POU2F1: variants seen among roughly 807,000 people sequenced by gnomAD.
POU2F1 encodes POU domain, class 2, transcription factor 1.
POU2F1 carries 16 observed loss-of-function variants against 84.9 expected under a neutral mutation model. That is an observed-to-expected ratio of 0.19 (90% CI 0.13 to 0.29). POU2F1 has a LOEUF of 0.29. POU2F1 is among the 10% of genes least tolerant of loss of function. The pLI, the probability that POU2F1 is intolerant of heterozygous loss-of-function variation, is 1.00. For synonymous variants in POU2F1, 368 were observed against 368.3 expected (o/e 1.00, Z 0.01); for missense variants, 738 against 942.6 (o/e 0.78, Z 2.84).
intron 1 of POU2F1, among the ~76,000 whole-genome samples, chr1:167,332,137 A>G (rs575804895): frequency 1.3e-5 from 2 of 151,928 alleles, no homozygotes; most frequent in Non-Finnish European, 2.9e-5. Context: ...TTCCAGTTTT[A>G]CTTCATGTTA....
intron 1 of POU2F1, among the ~76,000 whole-genome samples, chr1:167,258,773 GA>G (rs1651336567): frequency 1.3e-5 from 2 of 152,164 alleles, no homozygotes; most frequent in Non-Finnish European, 2.9e-5. Flanking sequence ...TAAACGAATA[GA>G]ATAGTAATTG....
rs1648664274 is a variant in POU2F1, at chr1:167,226,815, T to C, written c.61+5857T>C. ...CTTTTGTTTTTGGGTTTTATTTATT[T>C]ATTTATTTATTTCCAATTAAGCAAG... On this transcript the variant is annotated intron_variant, in intron 1 of 15. Coordinates refer to ENST00000367866, the MANE Select transcript of POU2F1 (RefSeq NM_002697.4). Among the ~76,000 whole-genome samples the C allele has an allele frequency of 3.3e-5, 5 of 152,346 alleles. No individual in the cohort carries two copies. In the South Asian group the frequency reaches 1.0e-3, roughly 32 times the overall value.
rs752831626 is a variant in POU2F1, at chr1:167,409,430, T to TAA, written c.1556-2528_1556-2527dup. On this transcript the variant is annotated intron_variant, in intron 13 of 15. Transcript: ENST00000367866. ...TGAGGACATTGAGGCTCAGCAACAA[T>TAA]AAGTTCACTAGTCAAAGTTACCCAA... Among the ~76,000 whole-genome samples the TAA allele has an allele frequency of 1.1e-3, 170 of 152,310 alleles. 2 individuals are homozygous for TAA. Among genetic ancestry groups the TAA allele is most frequent in the Non-Finnish European group, 5.9e-4 (40 of 68,022 alleles).
rs1364814911 is a variant in POU2F1, at chr1:167,412,255, G to A, written c.1852G>A (p.Ala618Thr). The A allele has an allele frequency of 1.3e-6, 2 of 1,587,876 alleles. No individual in the cohort carries two copies. The highest frequency in any genetic ancestry group is 1.1e-5 in the South Asian group (1 of 87,872). The change falls in exon 14 of 16, where the codon GCT (alanine) becomes ACT (threonine). Residue 618 changes from alanine (A) to threonine (T), a missense_variant. Ala to Thr is a moderately conservative substitution (Grantham distance 58). Transcript: ENST00000367866. Reference sequence around the variant, plus strand: ...TGCCAGTCTTGCTGCCATGGCAGCTGCTGCAGGACTAAACCCAAGCCTGAT... The same window carrying A: ...TGCCAGTCTTGCTGCCATGGCAGCTACTGCAGGACTAAACCCAAGCCTGAT... ...ANASLAAMAA[A>T]AGLNPSLMAP...
chr1:167,232,805 T>C (rs143304060), intron 1 of POU2F1, among the ~76,000 whole-genome samples: 3,967 of 150,134 alleles, frequency 0.026, 167 homozygotes, highest in African/African-American at 0.09. Flanking sequence ...ATTGCGCCAC[T>C]GCACTCCAGC....
In POU2F1 at chr1:167,258,105, C is replaced by T. The variant is rs573109008; in HGVS notation, c.61+37147C>T. Among the ~76,000 whole-genome samples the T allele has an allele frequency of 1.4e-3, 206 of 152,256 alleles. 1 individual carries two copies. The Middle Eastern group carries it at 0.031, about 23-fold the overall frequency. On this transcript the variant is annotated intron_variant, in intron 1 of 15. Coordinates refer to ENST00000367866, the MANE Select transcript of POU2F1 (RefSeq NM_002697.4). ...TAAGCTGTGATTGTCATGTGTGTCA[C>T]CGCTGAGATGTAAACATAGGCAAGC...
At chr1:167,319,854 A>T (rs1028764826) in intron 1 of POU2F1, among the ~76,000 whole-genome samples, 14 of 152,184 alleles carry the variant, frequency 9.2e-5, no homozygotes, top group Non-Finnish European at 1.5e-5. Flanking sequence ...CCTGTAAAAG[A>T]TGAGGAATGC....
At chr1:167,387,127 C>T (rs890948500) in intron 8 of POU2F1, 2 of 455,680 alleles carry the variant, frequency 4.4e-6, no homozygotes, top group Non-Finnish European at 8.8e-6. Context: ...GTGGCAGGGC[C>T]GTTGTGGCTT....
rs182915065 is a variant in POU2F1, at chr1:167,222,310, C to G, written c.61+1352C>G. Among the ~76,000 whole-genome samples, 203 of 152,292 alleles carry G rather than the reference C, an allele frequency of 1.3e-3. 2 individuals carry two copies. In the East Asian group the frequency reaches 0.028, roughly 21 times the overall value. On this transcript the variant is annotated intron_variant, in intron 1 of 15. Coordinates refer to ENST00000367866, the MANE Select transcript of POU2F1 (RefSeq NM_002697.4). ...GTCTTTACTCTCTGCTTAGCTGAAC[C>G]TCTTCTCATTTGAATAATGTCTAAT...
intron 2 of POU2F1, among the ~76,000 whole-genome samples, chr1:167,353,048 A>G (rs572214392): frequency 3.3e-5 from 5 of 152,312 alleles, no homozygotes; most frequent in South Asian, 2.1e-4. Flanking sequence ...ACTGCTGGCT[A>G]TGAAGAGAAA....
chr1:167,223,253 T>G (rs1212628743), intron 1 of POU2F1, among the ~76,000 whole-genome samples: 2 of 152,180 alleles, frequency 1.3e-5, no homozygotes, highest in African/African-American at 4.8e-5. Flanking sequence ...GAACTTATTC[T>G]CCTCCCAGCA....
intron 10 of POU2F1, among the ~76,000 whole-genome samples, chr1:167,397,255 G>C (rs1648873337): frequency 6.6e-6 from 1 of 152,076 alleles, no homozygotes; most frequent in African/African-American, 2.4e-5. Flanking sequence ...TATTTCATTT[G>C]TTTCTTTTCT....
intron 2 of POU2F1, among the ~76,000 whole-genome samples, chr1:167,334,503 G>A (rs1269694324): frequency 3.3e-5 from 5 of 152,152 alleles, no homozygotes; most frequent in African/African-American, 4.8e-5. Flanking sequence ...TTTAGGATTC[G>A]CAGCCCACAT....
At chr1:167,257,648 G>C (rs34161426) in intron 1 of POU2F1, among the ~76,000 whole-genome samples, 2,296 of 152,222 alleles carry the variant, frequency 0.015, 25 homozygotes, top group South Asian at 0.039. Flanking sequence ...AATATTAAGG[G>C]ATCTATTTAG....
At chr1:167,242,073 T>G (rs1649947512) in intron 1 of POU2F1, among the ~76,000 whole-genome samples, 2 of 152,212 alleles carry the variant, frequency 1.3e-5, no homozygotes, top group African/African-American at 4.8e-5. Context: ...TTTATCAGGA[T>G]TTTGGACCTA....
intron 13 of POU2F1, among the ~76,000 whole-genome samples, chr1:167,404,097 G>C (rs1450483906): frequency 6.6e-6 from 1 of 151,550 alleles, no homozygotes; most frequent in Admixed American, 6.6e-5. Context: ...CAAAGAAGGG[G>C]CCTTTTAAAA....
chr1:167,282,551 A>G (rs1158148487), intron 1 of POU2F1, among the ~76,000 whole-genome samples: 1 of 152,080 alleles, frequency 6.6e-6, no homozygotes, highest in Non-Finnish European at 1.5e-5. Context: ...GGACCTTCAT[A>G]ATGTGGTCCT....
chr1:167,308,335 G>A (rs1046398709), intron 1 of POU2F1, among the ~76,000 whole-genome samples: 1 of 152,108 alleles, frequency 6.6e-6, no homozygotes, highest in African/African-American at 2.4e-5. Flanking sequence ...CCAAAGTGCT[G>A]GGATTACAGG....
chr1:167,228,657 G>A (rs555590807), intron 1 of POU2F1, among the ~76,000 whole-genome samples: 1 of 152,336 alleles, frequency 6.6e-6, no homozygotes, highest in South Asian at 2.1e-4. Flanking sequence ...AACCTGAGAA[G>A]CACATGCATA....
Sources: allele counts gnomAD v4.1 joint callset (sites outside exome capture counted in the v4.1 genomes callset), GRCh38; gene constraint gnomAD v4.1.1; transcripts MANE v1.5; gene names NCBI Gene and HGNC (gene_info 2026-07-23, HGNC 2026-07-21).